NDUFS5: variants seen among roughly 807,000 people sequenced by gnomAD.
NDUFS5 encodes NADH dehydrogenase [ubiquinone] iron-sulfur protein 5.
A neutral mutation model predicts 10.5 loss-of-function variants in NDUFS5; 7 were observed. That is an observed-to-expected ratio of 0.66 (90% CI 0.38 to 1.25). The LOEUF (loss-of-function observed/expected upper bound fraction) is 1.25. NDUFS5 is among the 50% of genes most tolerant of loss of function. The pLI is 0.02. For missense variants in NDUFS5, 148 were observed against 140.7 expected, an observed-to-expected ratio of 1.05 and a Z score of -0.26; for synonymous variants, 38 against 44.0, an observed-to-expected ratio of 0.86 and a Z score of 0.54.
chr1:39,032,516 C>T (rs1451871181), intron 2 of NDUFS5, among the ~76,000 whole-genome samples: 4 of 151,692 alleles, frequency 2.6e-5, no homozygotes, highest in African/African-American at 9.7e-5. Context: ...ACTAATTTTT[C>T]GTATCTTTGT....
chr1:39,028,524 G>A (rs186365342), intron 1 of NDUFS5, among the ~76,000 whole-genome samples, 199 bp from the exon 2 acceptor site: 24 of 152,136 alleles, frequency 1.6e-4, no homozygotes, highest in African/African-American at 5.3e-4. Context: ...TTGAAAAAGC[G>A]CAAAAACTGC....
In NDUFS5 at chr1:39,028,785, C is replaced by G. The variant is rs775528211; in HGVS notation, c.61C>G (p.Gln21Glu). 7 of 1,613,990 alleles carry G rather than the reference C, an allele frequency of 4.3e-6. No homozygotes were observed. The South Asian group carries it at 7.7e-5, about 18-fold the overall frequency. ...GLNIDRWLTIQSGEQPYKMAG... is the reference protein window; with the variant it reads ...GLNIDRWLTIESGEQPYKMAG... ...TAACATAGATCGATGGTTGACAATC[C>G]AGAGTGGTGAACAGCCCTACAAGAT... is the stretch of plus-strand genomic sequence containing the variant. Residue 21 changes from glutamine to glutamate, a missense_variant, in exon 2 of 3, where the codon CAG becomes GAG. Gln to Glu is a conservative substitution (Grantham distance 29). Transcript: ENST00000372969.
chr1:39,028,959 T>C lies in NDUFS5; in HGVS notation c.216+19T>C. The C allele has an allele frequency of 6.3e-7, 1 of 1,598,756 alleles. No individual in the cohort carries two copies. The highest frequency in any genetic ancestry group is 2.2e-5 in the East Asian group (1 of 44,712). On this transcript the variant is annotated intron_variant, in intron 2 of 2. Transcript: ENST00000372969. ...GAAAACGGTAAGGAAATGATGGAGG[T>C]GGAAGCTGAATTACTTTCTTGTTCC...
chr1:39,031,124 C>T (rs1051368414), intron 2 of NDUFS5, among the ~76,000 whole-genome samples: 4 of 152,216 alleles, frequency 2.6e-5, no homozygotes, highest in Admixed American at 2.0e-4. Flanking sequence ...CCTGCCTTGG[C>T]CTCCCAAAAT....
chr1:39,028,896 A>G lies in NDUFS5; in HGVS notation c.172A>G (p.Ile58Val). 1 of 1,614,016 alleles carries G rather than the reference A, an allele frequency of 6.2e-7. No individual in the cohort carries two copies. Among genetic ancestry groups the G allele is most frequent in the Non-Finnish European group, 8.5e-7 (1 of 1,179,994 alleles). ...TACTCGGGCAGAGAAAGAGTGCAAG[A>G]TAGAATATGATGATTTCGTAGAGTG... ...GYTRAEKECK[I>V]EYDDFVECLL... Residue 58 changes from isoleucine (I) to valine (V), a missense_variant, in exon 2 of 3, where the codon ATA (isoleucine) becomes GTA (valine). Coordinates refer to ENST00000372969, the MANE Select transcript of NDUFS5 (RefSeq NM_004552.3).
intron 2 of NDUFS5, among the ~76,000 whole-genome samples, chr1:39,030,052 C>T (rs562766003): frequency 5.9e-5 from 9 of 152,048 alleles, no homozygotes; most frequent in African/African-American, 2.2e-4. Flanking sequence ...GATCGTGCCA[C>T]CGCACTCCAG....
At chr1:39,030,091 T>TA (rs909659466) in intron 2 of NDUFS5, among the ~76,000 whole-genome samples, 8 of 146,682 alleles carry the variant, frequency 5.5e-5, no homozygotes, top group African/African-American at 1.3e-4. Flanking sequence ...ACTCTGCCTC[T>TA]AAAAAAAAAA....
chr1:39,028,040 G>A (rs541850528), intron 1 of NDUFS5, among the ~76,000 whole-genome samples: 158 of 147,440 alleles, frequency 1.1e-3, no homozygotes, highest in Non-Finnish European at 2.1e-3. Flanking sequence ...GGCTGGTCTT[G>A]AACTCCTGAC....
intron 2 of NDUFS5, among the ~76,000 whole-genome samples, chr1:39,030,625 C>T (rs1644183932): frequency 6.7e-6 from 1 of 149,600 alleles, no homozygotes; most frequent in Non-Finnish European, 1.5e-5. Context: ...GAGGCTGAGG[C>T]AGGAGAATGG....
At chr1:39,030,265 C>T (rs1459515308) in intron 2 of NDUFS5, among the ~76,000 whole-genome samples, 1 of 150,130 alleles carries the variant, frequency 6.7e-6, no homozygotes, top group African/African-American at 2.5e-5. Flanking sequence ...ATTACCTAGG[C>T]ATGGTGACAG....
chr1:39,030,259 C>T (rs1644180526), intron 2 of NDUFS5, among the ~76,000 whole-genome samples: 2 of 149,206 alleles, frequency 1.3e-5, no homozygotes, highest in South Asian at 2.1e-4. Context: ...ACAAAAATTA[C>T]CTAGGCATGG....
chr1:39,029,000 T>G (rs1644172306), intron 2 of NDUFS5, 60 bp downstream of exon 2: 2 of 1,492,136 alleles, frequency 1.3e-6, no homozygotes, highest in African/African-American at 2.9e-5. Context: ...GACTCTTTTT[T>G]TTTTTTTTTG....
At chr1:39,026,623 C>T (rs565956679) in intron 1 of NDUFS5, among the ~76,000 whole-genome samples, 4 of 152,314 alleles carry the variant, frequency 2.6e-5, no homozygotes, top group African/African-American at 9.6e-5. Flanking sequence ...AGGTTTTTGC[C>T]GGACTAATGT....
chr1:39,027,318 C>A (rs1409569120), intron 1 of NDUFS5, among the ~76,000 whole-genome samples: 1 of 152,192 alleles, frequency 6.6e-6, no homozygotes, highest in South Asian at 2.1e-4. Context: ...GTGATCCGCC[C>A]GCCTCGGCCT....
chr1:39,031,942 A>C (rs1386372445), intron 2 of NDUFS5, among the ~76,000 whole-genome samples: 1 of 152,104 alleles, frequency 6.6e-6, no homozygotes, highest in Admixed American at 6.6e-5. Context: ...GGATTACCTG[A>C]GGTGAGGAGT....
chr1:39,028,714 C>T lies in NDUFS5; in HGVS notation c.-2-9C>T. 1.2e-6 allele frequency: 2 copies of T among 1,612,600 alleles called. 1 individual carries two copies. Among genetic ancestry groups the T allele is most frequent in the South Asian group, 2.2e-5 (2 of 90,958 alleles). On this transcript the variant is annotated splice_polypyrimidine_tract_variant and intron_variant, in intron 1 of 2. Coordinates refer to ENST00000372969, the MANE Select transcript of NDUFS5 (RefSeq NM_004552.3). ...TTATTTACTTATTTTTTTAAATCTT[C>T]CATTACAGCCATGCCTTTCTTGGAC...
intron 2 of NDUFS5, 84 bp from the exon 3 acceptor site, chr1:39,034,308 A>G: frequency 7.3e-7 from 1 of 1,364,342 alleles, no homozygotes; most frequent in Non-Finnish European, 1.0e-6. Flanking sequence ...TTTAAAAATG[A>G]AACCAAAATT....
At chr1:39,027,006 AGT>A (rs1425649108) in intron 1 of NDUFS5, among the ~76,000 whole-genome samples, 1 of 152,214 alleles carries the variant, frequency 6.6e-6, no homozygotes, top group African/African-American at 2.4e-5. Flanking sequence ...CCCGCATCTG[AGT>A]GCCTGGAACG....
At chr1:39,030,419 A>AAG in intron 2 of NDUFS5, among the ~76,000 whole-genome samples, 1 of 129,138 alleles carries the variant, frequency 7.7e-6, no homozygotes, top group East Asian at 2.2e-4. Flanking sequence ...AAAAAAAAAA[A>AAG]AAGATGGCCC....
Sources: gnomAD v4.1 joint callset for allele counts (sites outside exome capture counted in the v4.1 genomes callset) on GRCh38, gnomAD v4.1.1 for gene constraint, MANE v1.5 for transcripts, NCBI Gene and HGNC (gene_info 2026-07-23, HGNC 2026-07-21) for gene names.